The following CFTR variants were observed in gnomAD, a reference collection of about 807,000 sequenced individuals.
CFTR encodes CF transmembrane conductance regulator.
In CFTR, 181 loss-of-function variants were observed where a neutral mutation model predicts 171.6. That is an observed-to-expected ratio of 1.05 (90% CI 0.93 to 1.19). The LOEUF is 1.19. Ranked by LOEUF, CFTR falls within the 50% of genes most tolerant of loss-of-function variation. The pLI, the probability that CFTR is intolerant of heterozygous loss-of-function variation, is 0.00. For synonymous variants in CFTR, 583 were observed against 608.0 expected (o/e 0.96, Z 0.60); for missense variants, 1,968 against 1,734.7 (o/e 1.13, Z -2.39).
rs146793783 is a variant in CFTR at position 117,564,751 on chromosome 7, C to T, written c.1584+5096C>T. ...AACTCTAATGTCTGCAAAGCACTTG[C>T]GTATGTAATGATGCTCAGTGTCATA... On this transcript the variant is annotated intron_variant, in intron 11 of 26. Transcript: ENST00000003084. The T allele has an allele frequency of 8.5e-3, 1,422 of 166,982 alleles. 7 individuals are homozygous for T. Among genetic ancestry groups the T allele is most frequent in the Non-Finnish European group, 0.01 (703 of 68,102 alleles). The allele number at this position is 166,982 out of a possible 1,614,324, so 10.3% of individuals were successfully genotyped here.
rs536156416 is a variant in CFTR, at chr7:117,650,933, C to T, written c.3874-1909C>T. 5.5e-4 allele frequency among the ~76,000 whole-genome samples: 84 copies of T among 152,194 alleles called. 1 individual carries two copies. Among genetic ancestry groups the T allele is most frequent in the African/African-American group, 1.8e-3 (74 of 41,552 alleles). On this transcript the variant is annotated intron_variant, in intron 23 of 26. Coordinates refer to ENST00000003084, the MANE Select transcript of CFTR (RefSeq NM_000492.4). Reference sequence around the variant, plus strand: ...CATTTTGCTGTGGTGATGAGGAGCACGGGTTTAGAGACAAACACTCCTGTG... The same window carrying T: ...CATTTTGCTGTGGTGATGAGGAGCATGGGTTTAGAGACAAACACTCCTGTG...
chr7:117,579,825 A>C (rs1306779208), intron 11 of CFTR, among the ~76,000 whole-genome samples: 1 of 151,902 alleles, frequency 6.6e-6, no homozygotes, highest in African/African-American at 2.4e-5. Context: ...ATTCAGTATA[A>C]AAATATTAAT....
intron 22 of CFTR, among the ~76,000 whole-genome samples, chr7:117,639,144 C>T (rs1184122512): frequency 6.6e-6 from 1 of 152,184 alleles, no homozygotes; most frequent in Non-Finnish European, 1.5e-5. Context: ...CATGTGAAAA[C>T]ACTTTGTCCA....
intron 21 of CFTR, among the ~76,000 whole-genome samples, chr7:117,623,279 G>T (rs1792607393): frequency 2.6e-5 from 4 of 152,214 alleles, no homozygotes; most frequent in Admixed American, 2.0e-4. Context: ...ACGGAAGTGG[G>T]TGTTGGCTAT....
At chr7:117,525,252 T>C (rs1410002732) in intron 3 of CFTR, among the ~76,000 whole-genome samples, 1 of 152,102 alleles carries the variant, frequency 6.6e-6, no homozygotes, top group African/African-American at 2.4e-5. Context: ...AGAGATAGTT[T>C]GTTATAATTT....
chr7:117,498,539 C>T (rs1181200120), intron 1 of CFTR, among the ~76,000 whole-genome samples: 2 of 152,176 alleles, frequency 1.3e-5, no homozygotes, highest in African/African-American at 2.4e-5. Flanking sequence ...TCAAGTCCTA[C>T]TTTTACTATG....
intron 1 of CFTR, among the ~76,000 whole-genome samples, chr7:117,492,641 G>A (rs968018238): frequency 6.6e-6 from 1 of 151,940 alleles, no homozygotes; most frequent in Admixed American, 6.6e-5. Context: ...GGGCACAGGG[G>A]ATACAGTAGT....
chr7:117,539,174 G>T (rs926602609), intron 7 of CFTR, among the ~76,000 whole-genome samples: 1 of 152,076 alleles, frequency 6.6e-6, no homozygotes, highest in Non-Finnish European at 1.5e-5. Flanking sequence ...GGATGGCTTC[G>T]GGAAGACTGG....
chr7:117,531,001 GGCTTATGC>G lies in CFTR; in HGVS notation c.377_384del (p.Gly126AlafsTer30). ...CTCTATCGCGATTTATCTAGGCATA[GGCTTATGC>G]CTTCTCTTTATTGTGAGGACACTGC... On this transcript the variant is annotated frameshift_variant, in exon 4 of 27. Coordinates refer to ENST00000003084, the MANE Select transcript of CFTR (RefSeq NM_000492.4). LOFTEE classifies it high-confidence loss of function. 1 of 1,612,382 alleles carries G rather than the reference GGCTTATGC, an allele frequency of 6.2e-7. No homozygotes were observed.
chr7:117,665,635 G>T (rs1044273764), intron 26 of CFTR, 71 bp downstream of exon 26: 28 of 977,948 alleles, frequency 2.9e-5, no homozygotes, highest in Middle Eastern at 2.1e-4. Context: ...ACATGTGATA[G>T]TTCCTGCAAA....
intron 1 of CFTR, among the ~76,000 whole-genome samples, chr7:117,501,850 A>G (rs1373581079): frequency 6.7e-6 from 1 of 149,510 alleles, no homozygotes; most frequent in Non-Finnish European, 1.5e-5. Context: ...TTTGCATTTT[A>G]CTATTATCTA....
At chr7:117,640,324 A>G (rs1166641056) in intron 22 of CFTR, among the ~76,000 whole-genome samples, 3 of 152,176 alleles carry the variant, frequency 2.0e-5, no homozygotes, top group South Asian at 4.1e-4. Flanking sequence ...CCAGCAGTTC[A>G]ATGATATAAG....
intron 11 of CFTR, among the ~76,000 whole-genome samples, chr7:117,583,781 A>C (rs1791888371): frequency 6.6e-6 from 1 of 152,144 alleles, no homozygotes; most frequent in Admixed American, 6.6e-5. Flanking sequence ...ACTAGTTTAC[A>C]ACCCCACCAG....
chr7:117,648,458 G>A (rs1201591355), intron 23 of CFTR, among the ~76,000 whole-genome samples: 3 of 152,072 alleles, frequency 2.0e-5, no homozygotes, highest in African/African-American at 7.2e-5. Flanking sequence ...GAGTAATGGT[G>A]CTCTTATTTT....
intron 11 of CFTR, among the ~76,000 whole-genome samples, chr7:117,573,889 C>T (rs1330580831): frequency 6.6e-6 from 1 of 151,924 alleles, no homozygotes; most frequent in African/African-American, 2.4e-5. Context: ...AATGATTTCC[C>T]ACAACAATTT....
chr7:117,632,631 A>G (rs1792766341), intron 22 of CFTR, among the ~76,000 whole-genome samples: 1 of 152,162 alleles, frequency 6.6e-6, no homozygotes, highest in Non-Finnish European at 1.5e-5. Flanking sequence ...TAAAGGAGCA[A>G]TGGTAAAAGA....
intron 1 of CFTR, among the ~76,000 whole-genome samples, chr7:117,497,093 C>A (rs1016033842): frequency 3.3e-5 from 5 of 152,020 alleles, no homozygotes; most frequent in African/African-American, 1.2e-4. Context: ...TGTAATATGG[C>A]AAATTGGATA....
At chr7:117,659,114 C>CT (rs1268500344) in intron 24 of CFTR, among the ~76,000 whole-genome samples, 1 of 152,082 alleles carries the variant, frequency 6.6e-6, no homozygotes, top group African/African-American at 2.4e-5. Flanking sequence ...TCTGCAGAGG[C>CT]TTTTTTGTTC....
At chr7:117,492,778 G>C (rs1377423995) in intron 1 of CFTR, among the ~76,000 whole-genome samples, 1 of 151,994 alleles carries the variant, frequency 6.6e-6, no homozygotes, top group African/African-American at 2.4e-5. Flanking sequence ...GGTAGAAGAA[G>C]TACAGGATAG....
Sources: allele counts gnomAD v4.1 joint callset (sites outside exome capture counted in the v4.1 genomes callset), GRCh38; gene constraint gnomAD v4.1.1; transcripts MANE v1.5; gene names NCBI Gene and HGNC (gene_info 2026-07-23, HGNC 2026-07-21).